The following KLF15 variants were observed in gnomAD, a reference collection of about 807,000 sequenced individuals.
KLF15 encodes KLF transcription factor 15.
A neutral mutation model predicts 24.6 loss-of-function variants in KLF15; 4 were observed. That is an observed-to-expected ratio of 0.16 (90% CI 0.08 to 0.37). KLF15 has a LOEUF of 0.37. Ranked by LOEUF, KLF15 falls within the 10% of genes least tolerant of loss-of-function variation. The probability of loss-of-function intolerance (pLI) is 1.00; values close to 1 mark genes in which losing one functional copy is unlikely to be tolerated. For missense variants in KLF15, 496 were observed against 560.6 expected (o/e 0.88, Z 1.16); for synonymous variants, 246 against 236.3 (o/e 1.04, Z -0.37).
At chr3:126,352,996 T>C (rs911758211) in intron 1 of KLF15, 49 bp from the exon 2 acceptor site, 1 of 1,521,248 alleles carries the variant, frequency 6.6e-7, no homozygotes, top group Non-Finnish European at 8.8e-7. Flanking sequence ...AGTGCTCACC[T>C]GCCACCTCGC....
chr3:126,295,818 C>T, the KLF15 span, among the ~76,000 whole-genome samples: 1 of 152,092 alleles, frequency 6.6e-6, no homozygotes, highest in Non-Finnish European at 1.5e-5. Flanking sequence ...CCACCACCAT[C>T]CCCCAGGTGA....
chr3:126,288,268 A>G, the KLF15 span: 1 of 152,250 alleles, frequency 6.6e-6, no homozygotes, highest in Non-Finnish European at 1.5e-5. Flanking sequence ...TGATTAAAAT[A>G]TTCAGAAATC....
At chr3:126,304,431 C>T in the KLF15 span, among the ~76,000 whole-genome samples, 1 of 152,162 alleles carries the variant, frequency 6.6e-6, no homozygotes, top group Non-Finnish European at 1.5e-5. Flanking sequence ...GCATTGTTCC[C>T]TCTAATCTTT....
chr3:126,295,430 C>T, the KLF15 span, among the ~76,000 whole-genome samples: 55 of 152,326 alleles, frequency 3.6e-4, 1 homozygote, highest in Middle Eastern at 3.4e-3. Flanking sequence ...ACCCCCGTCA[C>T]CATATGCTGC....
At chr3:126,290,844 A>G in the KLF15 span, 6 of 152,230 alleles carry the variant, frequency 3.9e-5, no homozygotes, top group African/African-American at 1.4e-4. Flanking sequence ...TAGCCATTTG[A>G]CGGAGTTACT....
Position 126,351,895 on chromosome 3 carries a change from C to A in KLF15, c.1028G>T (p.Arg343Leu). The A allele has an allele frequency of 6.2e-7, 1 of 1,614,086 alleles. No homozygotes were observed. The highest frequency in any genetic ancestry group is 8.5e-7 in the Non-Finnish European group (1 of 1,179,982). ...TKSSHLKAHL[R>L]RHTGEKPFAC... ...GAAGGGCTTCTCACCCGTGTGCCGGCGCAGGTGGGCCTTGAGGTGGCTGCT... is the reference window on the plus strand; with the variant it reads ...GAAGGGCTTCTCACCCGTGTGCCGGAGCAGGTGGGCCTTGAGGTGGCTGCT... The change falls in exon 2 of 3, where the codon CGC becomes CTC. Residue 343 changes from arginine to leucine, a missense_variant. By Grantham distance (102) the Arg-to-Leu change is moderately radical (BLOSUM62 -2). Transcript: ENST00000296233.
At chr3:126,349,686 C>A (rs1390538752) in intron 2 of KLF15, among the ~76,000 whole-genome samples, 1 of 152,216 alleles carries the variant, frequency 6.6e-6, no homozygotes, top group South Asian at 2.1e-4. Context: ...TACCCAGCCT[C>A]ACGGCATCTA....
the KLF15 span, among the ~76,000 whole-genome samples, chr3:126,323,647 C>G: frequency 6.8e-6 from 1 of 147,098 alleles, no homozygotes; most frequent in Non-Finnish European, 1.5e-5. Context: ...AACTAGGTTC[C>G]CTCCCCTGGC....
chr3:126,338,993 T>C (rs1300686092), downstream of KLF15, among the ~76,000 whole-genome samples: 1 of 152,164 alleles, frequency 6.6e-6, no homozygotes, highest in Non-Finnish European at 1.5e-5. Flanking sequence ...GGCTGCGATC[T>C]CTATCAGTGC....
chr3:126,297,996 C>T, the KLF15 span, among the ~76,000 whole-genome samples: 1 of 152,196 alleles, frequency 6.6e-6, no homozygotes, highest in African/African-American at 2.4e-5. Flanking sequence ...AATTGTAGTT[C>T]TACTTTTAGT....
At chr3:126,326,840 A>G in the KLF15 span, among the ~76,000 whole-genome samples, 4 of 152,210 alleles carry the variant, frequency 2.6e-5, no homozygotes, top group Middle Eastern at 3.2e-3. Context: ...ATTTTAATTA[A>G]GTCGATTAAT....
the KLF15 span, among the ~76,000 whole-genome samples, chr3:126,306,030 G>A: frequency 6.6e-6 from 1 of 152,202 alleles, no homozygotes; most frequent in South Asian, 2.1e-4. Context: ...CTGACTTGGA[G>A]GCTAACCCCT....
chr3:126,323,449 A>ATATATATATAACATATATATGT, the KLF15 span, among the ~76,000 whole-genome samples: 8 of 96,256 alleles, frequency 8.3e-5, no homozygotes, highest in Admixed American at 2.8e-4. Context: ...TATATATGTT[A>ATATATATATAACATATATATGT]TATATATATA....
At chr3:126,308,951 C>A in the KLF15 span, among the ~76,000 whole-genome samples, 1 of 152,082 alleles carries the variant, frequency 6.6e-6, no homozygotes, top group African/African-American at 2.4e-5. Flanking sequence ...ATCGCTGGCC[C>A]AGGGTGAGGG....
At chr3:126,302,807 C>G in the KLF15 span, among the ~76,000 whole-genome samples, 1 of 152,050 alleles carries the variant, frequency 6.6e-6, no homozygotes, top group Admixed American at 6.5e-5. Flanking sequence ...AAATAGATTT[C>G]TTATAGTAGC....
chr3:126,356,136 T>G lies in KLF15; in HGVS notation c.-26+1101A>C, dbSNP rs1173820756. On this transcript the variant is annotated intron_variant, in intron 1 of 2. Transcript: ENST00000296233. This position sits in a 1 kb window ranked among gnomAD's most constrained non-coding sequence, Gnocchi z 4.4. ...CCCAGCGCCGGCCAAGGGCTTGCCATTGGGTCAGCGTGCAAATCACGGGGG... is the reference window on the plus strand; with the variant it reads ...CCCAGCGCCGGCCAAGGGCTTGCCAGTGGGTCAGCGTGCAAATCACGGGGG... Among the ~76,000 whole-genome samples the G allele has an allele frequency of 6.6e-6, 1 of 152,154 alleles. No individual in the cohort carries two copies. The highest frequency in any genetic ancestry group is 1.9e-4 in the East Asian group (1 of 5,146).
At chr3:126,334,374 C>G in the KLF15 span, among the ~76,000 whole-genome samples, 24 of 132,746 alleles carry the variant, frequency 1.8e-4, no homozygotes, top group African/African-American at 6.8e-4. Context: ...TTGAAACCAA[C>G]GAGAACAAAG....
intron 2 of KLF15, among the ~76,000 whole-genome samples, chr3:126,348,623 A>C (rs1266245695): frequency 1.3e-5 from 2 of 152,214 alleles, no homozygotes; most frequent in Non-Finnish European, 2.9e-5. Context: ...AGTTACAAGG[A>C]CCTGATGAGC....
At chr3:126,296,324 C>G in the KLF15 span, among the ~76,000 whole-genome samples, 7 of 152,204 alleles carry the variant, frequency 4.6e-5, no homozygotes, top group African/African-American at 1.7e-4. Context: ...TCTCCTGCCT[C>G]AGCCTCCTGA....
Sources: gnomAD v4.1 joint callset for allele counts (sites outside exome capture counted in the v4.1 genomes callset) on GRCh38, gnomAD v4.1.1 for gene constraint, Gnocchi (gnomAD v3.1) non-coding constraint, MANE v1.5 for transcripts, NCBI Gene and HGNC (gene_info 2026-07-23, HGNC 2026-07-21) for gene names.